Variants in STX8 observed in about 807,000 individuals in gnomAD.
STX8 encodes syntaxin 8.
Under a neutral mutation model 37.5 loss-of-function variants are expected in STX8, and 23 were observed. That is an observed-to-expected ratio of 0.61 (90% CI 0.44 to 0.87). The LOEUF is 0.87. Among genes scored for constraint, STX8 ranks in the 40% least tolerant of loss-of-function variants. The pLI is 0.00. For missense variants in STX8, 313 were observed against 284.7 expected (o/e 1.10, Z -0.71); for synonymous variants, 115 against 99.1 (o/e 1.16, Z -0.95).
intron 4 of STX8, among the ~76,000 whole-genome samples, chr17:9,510,859 C>A: frequency 6.6e-6 from 1 of 151,020 alleles, no homozygotes; most frequent in African/African-American, 2.4e-5. Context: ...ATTGAGATAC[C>A]ATTAGCTAGA....
chr17:9,370,870 T>C (rs1033197056), intron 7 of STX8, among the ~76,000 whole-genome samples: 3 of 149,334 alleles, frequency 2.0e-5, no homozygotes, highest in African/African-American at 4.9e-5. Flanking sequence ...GATCTGAAAA[T>C]ACATAGAGGT....
intron 7 of STX8, among the ~76,000 whole-genome samples, chr17:9,281,538 A>G (rs994393598): frequency 6.6e-6 from 1 of 151,984 alleles, no homozygotes; most frequent in Non-Finnish European, 1.5e-5. Context: ...GTAGTGAGCC[A>G]CAGGGGAAAT....
At chr17:9,451,966 A>G (rs1026422360) in intron 6 of STX8, among the ~76,000 whole-genome samples, 1 of 152,184 alleles carries the variant, frequency 6.6e-6, no homozygotes, top group Non-Finnish European at 1.5e-5. Flanking sequence ...TGATGGTTTC[A>G]GTTAAAACAT....
intron 7 of STX8, among the ~76,000 whole-genome samples, chr17:9,251,198 T>G (rs1220168187): frequency 6.6e-6 from 1 of 152,264 alleles, no homozygotes; most frequent in Non-Finnish European, 1.5e-5. Flanking sequence ...CTGACGTTTT[T>G]GGCTGGAGAG....
At chr17:9,434,770 A>C (rs1904365887) in intron 6 of STX8, among the ~76,000 whole-genome samples, 1 of 152,218 alleles carries the variant, frequency 6.6e-6, no homozygotes, top group Middle Eastern at 3.2e-3. Flanking sequence ...GCAGCAGCAT[A>C]TGGGCTGTTG....
At chr17:9,287,737 C>T (rs1260162007) in intron 7 of STX8, among the ~76,000 whole-genome samples, 2 of 152,056 alleles carry the variant, frequency 1.3e-5, no homozygotes, top group South Asian at 2.1e-4. Flanking sequence ...ATAGAACTTT[C>T]ATATGTCTTT....
At chr17:9,510,691 C>A (rs1451346990) in intron 4 of STX8, among the ~76,000 whole-genome samples, 2 of 151,786 alleles carry the variant, frequency 1.3e-5, no homozygotes, top group Non-Finnish European at 2.9e-5. Flanking sequence ...AATACCCTAA[C>A]AATGTATCTC....
rs868430600 is a variant in STX8, at chr17:9,358,256, C to T, written c.643+20296G>A. 8.5e-5 allele frequency among the ~76,000 whole-genome samples: 13 copies of T among 152,188 alleles called. No homozygotes were observed. The South Asian group carries it at 1.0e-3, about 12-fold the overall frequency. On this transcript the variant is annotated intron_variant, in intron 7 of 7. Transcript: ENST00000306357. ...CACCTGTAGTTTCAGCTACAGGGGA[C>T]GAACTCCAGGGCTCAAGTGATCCTC...
intron 7 of STX8, among the ~76,000 whole-genome samples, chr17:9,366,029 G>C (rs1911220064): frequency 6.6e-6 from 1 of 152,054 alleles, no homozygotes; most frequent in Non-Finnish European, 1.5e-5. Flanking sequence ...AAAATGAGAG[G>C]CCATGGAGAA....
chr17:9,550,597 AAAT>A (rs1160030862), intron 3 of STX8, among the ~76,000 whole-genome samples: 2 of 152,134 alleles, frequency 1.3e-5, no homozygotes, highest in Non-Finnish European at 2.9e-5. Flanking sequence ...ATAAAAATAA[AAAT>A]AAAACTGGAT....
At chr17:9,452,640 G>C (rs889396444) in intron 6 of STX8, 8 of 152,144 alleles carry the variant, frequency 5.3e-5, no homozygotes, top group Admixed American at 3.3e-4. Context: ...AGAACAGCTA[G>C]GGGTTCTCAG....
At position 9,522,743 on chromosome 17, in the gene STX8, G is replaced by A. The variant is rs143475979; in HGVS notation, c.324-17581C>T. Among the ~76,000 whole-genome samples the A allele has an allele frequency of 3.2e-4, 49 of 151,766 alleles. No homozygotes were observed. The East Asian group carries it at 9.6e-3, about 30-fold the overall frequency. On this transcript the variant is annotated intron_variant, in intron 4 of 7. Coordinates refer to ENST00000306357, the MANE Select transcript of STX8 (RefSeq NM_004853.3). ...AAAAAGTTGATATCATACAAGCAGT[G>A]AGTAGGATAGTGGTTACCAGAGGCT...
At chr17:9,358,824 G>A (rs910934526) in intron 7 of STX8, among the ~76,000 whole-genome samples, 1 of 152,166 alleles carries the variant, frequency 6.6e-6, no homozygotes, top group Admixed American at 6.6e-5. Context: ...GAGAGAGTAG[G>A]GGGAAAAGAT....
chr17:9,299,492 A>C (rs1009204927), intron 7 of STX8, among the ~76,000 whole-genome samples: 1 of 143,412 alleles, frequency 7.0e-6, no homozygotes, highest in Non-Finnish European at 1.5e-5. Context: ...CGCCCAGGCT[A>C]GAGTGCAGTG....
At chr17:9,275,975 T>G (rs1907661791) in intron 7 of STX8, among the ~76,000 whole-genome samples, 1 of 152,122 alleles carries the variant, frequency 6.6e-6, no homozygotes, top group Admixed American at 6.5e-5. Context: ...AAACACTCAC[T>G]TATCTTATTA....
intron 7 of STX8, among the ~76,000 whole-genome samples, chr17:9,270,521 T>C (rs1046741377): frequency 1.3e-5 from 2 of 152,170 alleles, no homozygotes; most frequent in African/African-American, 4.8e-5. Flanking sequence ...CCCAAAGTGC[T>C]GGGATTACAG....
At chr17:9,258,120 C>G (rs1424244296) in intron 7 of STX8, among the ~76,000 whole-genome samples, 1 of 152,210 alleles carries the variant, frequency 6.6e-6, no homozygotes, top group Non-Finnish European at 1.5e-5. Context: ...TTCTTAGGGA[C>G]AATTCCTAAA....
chr17:9,498,870 G>C (rs765088290), intron 5 of STX8, among the ~76,000 whole-genome samples: 1 of 152,070 alleles, frequency 6.6e-6, no homozygotes. Flanking sequence ...CAGGGACAAG[G>C]GTGTATAATA....
At chr17:9,541,282 G>C (rs1418835805) in intron 4 of STX8, among the ~76,000 whole-genome samples, 1 of 152,126 alleles carries the variant, frequency 6.6e-6, no homozygotes, top group African/African-American at 2.4e-5. Flanking sequence ...AGCAGACACG[G>C]AACAAATGAG....
Sources: allele counts gnomAD v4.1 joint callset (sites outside exome capture counted in the v4.1 genomes callset), GRCh38; gene constraint gnomAD v4.1.1; transcripts MANE v1.5; gene names NCBI Gene and HGNC (gene_info 2026-07-23, HGNC 2026-07-21).